The following ANKHD1 variants were observed in gnomAD, a reference collection of about 807,000 sequenced individuals.
The protein encoded by ANKHD1 is ankyrin repeat and KH domain-containing protein 1.
In ANKHD1, 31 loss-of-function variants were observed where a neutral mutation model predicts 230.5. That is an observed-to-expected ratio of 0.13 (90% CI 0.10 to 0.18). ANKHD1 has a LOEUF of 0.18. Among genes scored for constraint, ANKHD1 ranks in the 10% least tolerant of loss-of-function variants. The probability of loss-of-function intolerance (pLI) is 1.00; values close to 1 mark genes in which losing one functional copy is unlikely to be tolerated. For missense variants in ANKHD1, 2,256 were observed against 3,071.3 expected, an observed-to-expected ratio of 0.73 and a Z score of 6.27; for synonymous variants, 1,074 against 1,117.6, an observed-to-expected ratio of 0.96 and a Z score of 0.78.
intron 1 of ANKHD1, among the ~76,000 whole-genome samples, chr5:140,419,786 CTTTCTTTCTT>C (rs1771741815): frequency 3.1e-5 from 2 of 64,900 alleles, no homozygotes; most frequent in African/African-American, 1.1e-4. Flanking sequence ...TTCTTTCTTT[CTTTCTTTCTT>C]TCTTTCTTTC....
At chr5:140,433,614 T>C (rs552415030) in intron 1 of ANKHD1, among the ~76,000 whole-genome samples, 18 of 152,296 alleles carry the variant, frequency 1.2e-4, no homozygotes, top group African/African-American at 3.4e-4. Flanking sequence ...GGAGTCTTTC[T>C]TATTTCTTCT....
chr5:140,419,738 C>T (rs553284859), intron 1 of ANKHD1, among the ~76,000 whole-genome samples: 124 of 151,600 alleles, frequency 8.2e-4, no homozygotes, highest in African/African-American at 2.9e-3. Flanking sequence ...TTCTTTCTCT[C>T]TCTCTTTCTT....
intron 29 of ANKHD1, chr5:140,531,204 C>T: frequency 3.2e-6 from 1 of 313,470 alleles, no homozygotes; most frequent in Non-Finnish European, 6.3e-6. Flanking sequence ...TAATCTTGGC[C>T]CCATTTCTTA....
chr5:140,412,475 T>G (rs1208389348), intron 1 of ANKHD1, among the ~76,000 whole-genome samples: 1 of 152,214 alleles, frequency 6.6e-6, no homozygotes, highest in Non-Finnish European at 1.5e-5. Context: ...TTTTATATTT[T>G]TTAATGAAAT....
chr5:140,442,364 C>G (rs1156543142), intron 5 of ANKHD1, among the ~76,000 whole-genome samples: 1 of 151,946 alleles, frequency 6.6e-6, no homozygotes, highest in African/African-American at 2.4e-5. Flanking sequence ...TGTATAGCAA[C>G]AGTCCCCAAC....
In ANKHD1 at chr5:140,458,732, T is replaced by G. The variant is rs1775407548; in HGVS notation, c.1350T>G (p.His450Gln). The change falls in exon 8 of 34, where the codon CAT becomes CAG. Residue 450 changes from histidine to glutamine, a missense_variant. His to Gln is a conservative substitution (Grantham distance 24). Around this residue, in one of 13 missense-constraint regions of ANKHD1, gnomAD observed 179 missense variants for 261.8 expected, o/e 0.68. Coordinates refer to ENST00000360839, the MANE Select transcript of ANKHD1 (RefSeq NM_017747.3). ...TGACGCTAGCTGCCTGTGGAGGACA[T>G]GTTGAATTGGCAGCTCTACTTATTG... ...SPLTLAACGG[H>Q]VELAALLIER... 6.2e-7 allele frequency: 1 copy of G among 1,613,176 alleles called. No individual in the cohort carries two copies. Among genetic ancestry groups the G allele is most frequent in the Non-Finnish European group, 8.5e-7 (1 of 1,179,804 alleles).
At chr5:140,496,465 T>TG in intron 14 of ANKHD1, 55 bp from the exon 15 acceptor site, 1 of 981,000 alleles carries the variant, frequency 1.0e-6, no homozygotes. Flanking sequence ...TCTTTTCTTT[T>TG]TTTTTTTTTT....
At chr5:140,416,030 G>A (rs186885387) in intron 1 of ANKHD1, among the ~76,000 whole-genome samples, 2 of 152,178 alleles carry the variant, frequency 1.3e-5, no homozygotes, top group South Asian at 2.1e-4. Context: ...GAGTGAGAAC[G>A]TGCAGTGTCT....
intron 1 of ANKHD1, among the ~76,000 whole-genome samples, chr5:140,404,720 C>G (rs372837351): frequency 6.6e-6 from 1 of 151,294 alleles, no homozygotes; most frequent in Non-Finnish European, 1.5e-5. Flanking sequence ...CCACCACGCC[C>G]GGCCTTAATT....
chr5:140,446,561 A>G (rs190788306), intron 6 of ANKHD1, among the ~76,000 whole-genome samples: 182 of 152,212 alleles, frequency 1.2e-3, no homozygotes, highest in African/African-American at 4.3e-3. Context: ...GGGTTTCACT[A>G]TGTTGGCCAG....
chr5:140,497,342 C>A (rs747456743), intron 15 of ANKHD1, 64 bp downstream of exon 15: 2 of 1,511,720 alleles, frequency 1.3e-6, no homozygotes, highest in Non-Finnish European at 1.8e-6. Flanking sequence ...TCTTTATATA[C>A]CCCTCCAAAA....
intron 1 of ANKHD1, 152 bp downstream of exon 1, chr5:140,402,425 A>G: frequency 8.8e-7 from 1 of 1,130,060 alleles, no homozygotes; most frequent in East Asian, 3.1e-5. Flanking sequence ...GTGAGGGCCT[A>G]GTGAGCCCTC....
At chr5:140,474,845 A>C (rs1236080569) in intron 10 of ANKHD1, among the ~76,000 whole-genome samples, 1 of 151,788 alleles carries the variant, frequency 6.6e-6, no homozygotes, top group Non-Finnish European at 1.5e-5. Flanking sequence ...ATTTTTAGGG[A>C]GCTTATGAGC....
At chr5:140,463,332 CTG>C (rs1352185096) in intron 9 of ANKHD1, among the ~76,000 whole-genome samples, 1 of 152,126 alleles carries the variant, frequency 6.6e-6, no homozygotes, top group Non-Finnish European at 1.5e-5. Flanking sequence ...ATTGTAGTCT[CTG>C]ATAGTTTCCT....
chr5:140,456,391 C>G (rs1233920605), intron 7 of ANKHD1, among the ~76,000 whole-genome samples: 2 of 152,134 alleles, frequency 1.3e-5, no homozygotes, highest in East Asian at 3.9e-4. Flanking sequence ...AAAAAAGAGC[C>G]CACATTGCCA....
Position 140,482,711 on chromosome 5 carries a change from TG to T in ANKHD1, c.1870+46del, listed in dbSNP as rs758316827. ...ATCATTTCCAAGAGGCTACAGTTTA[TG>T]GAAAAAAAAATCCTAAACTGTTGCA... On this transcript the variant is annotated intron_variant, in intron 11 of 33. Transcript: ENST00000360839. 5.5e-5 allele frequency: 87 copies of T among 1,591,816 alleles called. No individual in the cohort carries two copies. The South Asian group carries it at 1.0e-3, about 18-fold the overall frequency.
chr5:140,440,380 A>T (rs1773761958), intron 4 of ANKHD1, 114 bp downstream of exon 4: 35 of 1,386,658 alleles, frequency 2.5e-5, no homozygotes, highest in Non-Finnish European at 3.0e-5. Context: ...CTCTTCCCCC[A>T]TCCTCCTTCC....
intron 10 of ANKHD1, among the ~76,000 whole-genome samples, chr5:140,472,729 CA>C (rs1776574857): frequency 1.3e-5 from 2 of 152,136 alleles, no homozygotes; most frequent in East Asian, 3.9e-4. Context: ...ATTAGTTTAG[CA>C]AAACGTTTAC....
chr5:140,440,023 A>G lies in ANKHD1; in HGVS notation c.618-96A>G. On this transcript the variant is annotated intron_variant, in intron 3 of 33. Transcript: ENST00000360839. ...TAATTTTTTCTTTTACTGCATTAAC[A>G]TTTTTCTTTGTGTGACTATTTATAT... 6.0e-6 allele frequency: 8 copies of G among 1,339,724 alleles called. 1 individual carries two copies. In the South Asian group the frequency reaches 1.9e-4, roughly 31 times the overall value. 83.0% of individuals were successfully genotyped at this position (1,339,724 alleles called of 1,614,324 possible). A position where few individuals can be genotyped will look rare whatever the true frequency, so the allele number is the denominator to read the frequency against.
Sources: gnomAD v4.1 joint callset for allele counts (sites outside exome capture counted in the v4.1 genomes callset) on GRCh38, gnomAD v4.1.1 for gene constraint, gnomAD v4.1.1 regional missense constraint, MANE v1.5 for transcripts, NCBI Gene and HGNC (gene_info 2026-07-23, HGNC 2026-07-21) for gene names.